Variants in FOXP1 observed in about 807,000 individuals in gnomAD.
FOXP1 encodes forkhead box protein P1.
FOXP1 carries 15 observed loss-of-function variants against 98.2 expected under a neutral mutation model. The observed-to-expected ratio is 0.15, with a 90% CI of 0.10 to 0.24. The LOEUF (loss-of-function observed/expected upper bound fraction) is 0.24. Among genes scored for constraint, FOXP1 ranks in the 10% least tolerant of loss-of-function variants. The pLI is 1.00. For missense variants in FOXP1, 633 were observed against 848.5 expected (o/e 0.75, Z 3.15); for synonymous variants, 371 against 314.5 (o/e 1.18, Z -1.90).
At chr3:71,231,769 G>T (rs915684857) in intron 5 of FOXP1, among the ~76,000 whole-genome samples, 1 of 152,208 alleles carries the variant, frequency 6.6e-6, no homozygotes. Flanking sequence ...AATAATTCTG[G>T]TAGATTCAAC....
At chr3:71,083,743 C>A (rs983860620) in intron 7 of FOXP1, among the ~76,000 whole-genome samples, 1 of 152,182 alleles carries the variant, frequency 6.6e-6, no homozygotes, top group East Asian at 1.9e-4. Context: ...GATGACGTTA[C>A]CTGAGTGCCT....
intron 2 of FOXP1, among the ~76,000 whole-genome samples, chr3:71,511,807 GATAA>G (rs2042224317): frequency 6.6e-6 from 1 of 152,082 alleles, no homozygotes; most frequent in Non-Finnish European, 1.5e-5. Flanking sequence ...AACTTGAATG[GATAA>G]ATATATTCAT....
In FOXP1 at chr3:71,041,392, A is replaced by C. The variant is rs1576374318; in HGVS notation, c.805T>G (p.Leu269Val). The C allele has an allele frequency of 1.2e-6, 2 of 1,613,808 alleles. No individual in the cohort carries two copies. The highest frequency in any genetic ancestry group is 1.7e-6 in the Non-Finnish European group (2 of 1,179,822). ...VSSSAPSKTS[L>V]IMNPHASTNG... ...GTAGAGGCATGTGGGTTCATTATTAAGGAGGTCTTGGAAGGTGCAGAGGAG... is the reference window on the plus strand; with the variant it reads ...GTAGAGGCATGTGGGTTCATTATTACGGAGGTCTTGGAAGGTGCAGAGGAG... Residue 269 changes from leucine to valine, a missense_variant, in exon 11 of 21, where the codon TTA becomes GTA. Coordinates refer to ENST00000649528, the MANE Select transcript of FOXP1 (RefSeq NM_001349338.3).
At chr3:71,236,332 C>T (rs972714357) in intron 5 of FOXP1, among the ~76,000 whole-genome samples, 2 of 152,114 alleles carry the variant, frequency 1.3e-5, no homozygotes, top group African/African-American at 4.8e-5. Flanking sequence ...TGGCTTCATC[C>T]CCAAGTATTT....
At chr3:71,064,459 G>C (rs1440471366) in intron 7 of FOXP1, among the ~76,000 whole-genome samples, 2 of 151,908 alleles carry the variant, frequency 1.3e-5, no homozygotes, top group East Asian at 3.9e-4. Context: ...AAACGAAAAA[G>C]AGAGAGAGAG....
chr3:71,293,101 C>T (rs888375416), intron 5 of FOXP1, among the ~76,000 whole-genome samples: 2 of 152,070 alleles, frequency 1.3e-5, no homozygotes, highest in Admixed American at 6.6e-5. Flanking sequence ...AGATGTGCTA[C>T]CTTTTATAAT....
intron 6 of FOXP1, among the ~76,000 whole-genome samples, chr3:71,169,260 C>T (rs552551052): frequency 5.3e-5 from 8 of 152,266 alleles, no homozygotes; most frequent in South Asian, 2.1e-4. Flanking sequence ...AGTAAATGGA[C>T]GCCTCTGCCC....
At chr3:71,360,525 C>T (rs754894035) in intron 3 of FOXP1, 1 of 152,192 alleles carries the variant, frequency 6.6e-6, no homozygotes, top group Non-Finnish European at 1.5e-5. Context: ...GATAAGTCAA[C>T]TCATCCTCAA....
intron 3 of FOXP1, among the ~76,000 whole-genome samples, chr3:71,469,075 A>G (rs1022518136): frequency 4.6e-5 from 7 of 152,216 alleles, no homozygotes; most frequent in African/African-American, 1.7e-4. Flanking sequence ...ATGACAGTGC[A>G]TTCCAAGCAA....
chr3:71,178,190 A>C (rs2062062089), intron 6 of FOXP1, among the ~76,000 whole-genome samples: 1 of 146,978 alleles, frequency 6.8e-6, no homozygotes, highest in Non-Finnish European at 1.5e-5. Context: ...GCTGGAATGC[A>C]GTGGCGCGAT....
At chr3:71,318,926 G>A (rs1428032728) in intron 4 of FOXP1, among the ~76,000 whole-genome samples, 5 of 152,170 alleles carry the variant, frequency 3.3e-5, no homozygotes, top group African/African-American at 7.2e-5. Flanking sequence ...GTTACTGAGC[G>A]TAAAGATGTG....
intron 9 of FOXP1, among the ~76,000 whole-genome samples, chr3:71,051,048 G>A (rs1384307489): frequency 6.6e-6 from 1 of 152,054 alleles, no homozygotes; most frequent in African/African-American, 2.4e-5. Context: ...AGTCATTAAC[G>A]CGCATTGAAC....
chr3:71,507,702 A>C lies in FOXP1; in HGVS notation c.-297-14147T>G, dbSNP rs1165163207. ...ACGCCATTCTCCTGCCTCAGCCTCC[A>C]GAGTAGCTGGGACTACAGGCACCTG... On this transcript the variant is annotated intron_variant, in intron 2 of 20. Transcript: ENST00000649528. Among the ~76,000 whole-genome samples, 4 of 151,784 alleles carry C rather than the reference A, an allele frequency of 2.6e-5. No individual in the cohort carries two copies. In the East Asian group the frequency reaches 7.8e-4, roughly 29 times the overall value.
chr3:71,314,465 T>C (rs977521374), intron 4 of FOXP1, among the ~76,000 whole-genome samples: 3 of 151,282 alleles, frequency 2.0e-5, no homozygotes, highest in Admixed American at 1.3e-4. Flanking sequence ...GAGGTGGAGA[T>C]TGCAGTGAGC....
chr3:71,342,645 A>G (rs1040082170), intron 4 of FOXP1, among the ~76,000 whole-genome samples: 8 of 151,692 alleles, frequency 5.3e-5, no homozygotes, highest in African/African-American at 1.7e-4. Flanking sequence ...GTGAGCCGAG[A>G]TCACGCCATT....
At chr3:71,324,623 G>T (rs1170879366) in intron 4 of FOXP1, among the ~76,000 whole-genome samples, 1 of 151,936 alleles carries the variant, frequency 6.6e-6, no homozygotes, top group Non-Finnish European at 1.5e-5. Flanking sequence ...TCGTGGGGTG[G>T]GGGGAGTGGG....
intron 3 of FOXP1, among the ~76,000 whole-genome samples, chr3:71,433,269 C>G (rs1560478801): frequency 6.6e-6 from 1 of 152,184 alleles, no homozygotes; most frequent in African/African-American, 2.4e-5. Context: ...TGAACTACCC[C>G]CAACCACTTT....
intron 2 of FOXP1, chr3:71,568,013 A>AGGAAGGG (rs1559540715): frequency 1.9e-4 from 24 of 125,290 alleles, no homozygotes; most frequent in African/African-American, 6.7e-4. Context: ...GGGAGGAAGG[A>AGGAAGGG]AGGAAGGAAG....
intron 3 of FOXP1, among the ~76,000 whole-genome samples, chr3:71,468,894 G>A (rs750697088): frequency 4.6e-5 from 7 of 152,194 alleles, no homozygotes; most frequent in African/African-American, 7.2e-5. Flanking sequence ...GCAGGACCAC[G>A]TTGGCATGTG....
Sources: gnomAD v4.1 joint callset for allele counts (sites outside exome capture counted in the v4.1 genomes callset) on GRCh38, gnomAD v4.1.1 for gene constraint, MANE v1.5 for transcripts, NCBI Gene and HGNC (gene_info 2026-07-23, HGNC 2026-07-21) for gene names.